LNPEP: variants seen among roughly 807,000 people sequenced by gnomAD.
LNPEP encodes the protein leucyl and cystinyl aminopeptidase, also known as leucyl-cystinyl aminopeptidase.
In LNPEP, 64 loss-of-function variants were observed where a neutral mutation model predicts 120.6. The ratio of observed to expected loss-of-function variants is 0.53; its 90% CI spans 0.43 to 0.65. The LOEUF (loss-of-function observed/expected upper bound fraction) is 0.65, where lower values mean the gene tolerates loss of function less well. Among genes scored for constraint, LNPEP ranks in the 30% least tolerant of loss-of-function variants. The pLI is 0.00. For synonymous variants in LNPEP, 435 were observed against 425.4 expected (o/e 1.02, Z -0.28); for missense variants, 1,057 against 1,200.0 (o/e 0.88, Z 1.76).
At chr5:97,022,252 A>T (rs1204029299) in intron 13 of LNPEP, 48 bp from the exon 14 acceptor site, 10 of 1,170,716 alleles carry the variant, frequency 8.5e-6, no homozygotes, top group Admixed American at 6.6e-5. Flanking sequence ...TTTTTTTCTG[A>T]TTGTCCTAAT....
intron 1 of LNPEP, among the ~76,000 whole-genome samples, chr5:96,948,276 C>T (rs1009590215): frequency 1.3e-5 from 2 of 152,090 alleles, no homozygotes; most frequent in African/African-American, 2.4e-5. Flanking sequence ...CACCACCATG[C>T]CCGGCTAATT....
In LNPEP at chr5:96,979,354, T is replaced by C. The variant is rs759640194; in HGVS notation, c.236T>C (p.Met79Thr). 1 of 1,614,092 alleles carries C rather than the reference T, an allele frequency of 6.2e-7. No homozygotes were observed. Among genetic ancestry groups the C allele is most frequent in the South Asian group, 1.1e-5 (1 of 91,088 alleles). Residue 79 changes from methionine to threonine, a missense_variant, in exon 2 of 18, where the codon ATG (methionine) becomes ACG (threonine). Physicochemically the swap from Met to Thr is moderately conservative, Grantham distance 81. Coordinates refer to ENST00000231368, the MANE Select transcript of LNPEP (RefSeq NM_005575.3). ...GAGTCATCAGCAAAGCTGCTGGGCA[T>C]GTCCTTCATGAATAGAAGCTCAGGC... ...DYESSAKLLG[M>T]SFMNRSSGLR...
At position 96,979,178 on chromosome 5, in the gene LNPEP, G is replaced by A. The variant is rs778092897; in HGVS notation, c.60G>A (p.Met20Ile). The change falls in exon 2 of 18, where the codon ATG becomes ATA. Residue 20 changes from methionine (M) to isoleucine (I), a missense_variant. Coordinates refer to ENST00000231368, the MANE Select transcript of LNPEP (RefSeq NM_005575.3). ...QLPRNMIENS[M>I]FEEEPDVVDL... The stretch of plus-strand genomic sequence containing the variant: ...CCAGGAATATGATTGAAAACAGCAT[G>A]TTTGAGGAAGAACCAGATGTGGTGG... The A allele has an allele frequency of 6.2e-7, 1 of 1,613,370 alleles. No individual in the cohort carries two copies. The highest frequency in any genetic ancestry group is 8.5e-7 in the Non-Finnish European group (1 of 1,179,578).
At position 97,013,715 on chromosome 5, in the gene LNPEP, T is replaced by G. The variant is rs759292119; in HGVS notation, c.2103T>G (p.Ile701Met). ...KVNINMNGYY[I>M]VHYADDDWEA... is the part of the protein sequence containing the mutation. ...ATATAAACATGAATGGTTATTATAT[T>G]GTACACTATGCAGATGATGATTGGG... Residue 701 changes from isoleucine (I) to methionine (M), a missense_variant, in exon 12 of 18, where the codon ATT becomes ATG. By Grantham distance (10) the Ile-to-Met change is conservative. Transcript: ENST00000231368. The G allele has an allele frequency of 1.9e-6, 3 of 1,608,488 alleles. No individual in the cohort carries two copies. The South Asian group carries it at 3.3e-5, about 18-fold the overall frequency.
At chr5:97,002,611 T>TG (rs1329030054) in intron 8 of LNPEP, among the ~76,000 whole-genome samples, 1 of 152,210 alleles carries the variant, frequency 6.6e-6, no homozygotes, top group African/African-American at 2.4e-5. Flanking sequence ...GTGCCTACTA[T>TG]GTAGTGGGCA....
At position 97,026,657 on chromosome 5, in the gene LNPEP, C is replaced by A; in HGVS notation, c.2764C>A (p.Gln922Lys). 1 of 1,613,326 alleles carries A rather than the reference C, an allele frequency of 6.2e-7. No homozygotes were observed. Among genetic ancestry groups the A allele is most frequent in the Non-Finnish European group, 8.5e-7 (1 of 1,179,274 alleles). ...CCTGAATGGAGATAACTTCCGAACACAGAAGCTGTCTTTTATCATTAGAAC... is the reference window on the plus strand; with the variant it reads ...CCTGAATGGAGATAACTTCCGAACAAAGAAGCTGTCTTTTATCATTAGAAC... Reference protein sequence around the residue: ...SSLNGDNFRTQKLSFIIRTVG... With the variant: ...SSLNGDNFRTKKLSFIIRTVG... Residue 922 changes from glutamine (Q) to lysine (K), a missense_variant, in exon 16 of 18, where the codon CAG becomes AAG. Coordinates refer to ENST00000231368, the MANE Select transcript of LNPEP (RefSeq NM_005575.3).
intron 16 of LNPEP, 91 bp from the exon 17 acceptor site, chr5:97,027,642 C>A (rs2112676475): frequency 2.5e-6 from 2 of 791,578 alleles, no homozygotes; most frequent in Non-Finnish European, 4.3e-6. Context: ...TCCACTCTGG[C>A]TTTGGCATTA....
chr5:97,019,791 A>G (rs1034714763), intron 13 of LNPEP, among the ~76,000 whole-genome samples: 1 of 151,612 alleles, frequency 6.6e-6, no homozygotes, highest in African/African-American at 2.4e-5. Flanking sequence ...ATTTGTTCCT[A>G]TTTGACAGTT....
At position 97,014,988 on chromosome 5, in the gene LNPEP, G is replaced by A; in HGVS notation, c.2269G>A (p.Gly757Arg). 5.0e-6 allele frequency: 8 copies of A among 1,588,232 alleles called. No homozygotes were observed. Among genetic ancestry groups the A allele is most frequent in the Non-Finnish European group, 6.9e-6 (8 of 1,167,644 alleles). ...GGCCTTTGATTTGATTAATTATCTT[G>A]GAAATGAGAACCATACTGCACCCAT... ...KRAFDLINYL[G>R]NENHTAPITE... is the part of the protein sequence containing the mutation. The change falls in exon 13 of 18, where the codon GGA becomes AGA. Residue 757 changes from glycine (G) to arginine (R), a missense_variant. Coordinates refer to ENST00000231368, the MANE Select transcript of LNPEP (RefSeq NM_005575.3).
chr5:96,958,386 G>A (rs1266022061), intron 1 of LNPEP: 2 of 698,984 alleles, frequency 2.9e-6, no homozygotes, highest in Non-Finnish European at 3.5e-6. Context: ...TATTTTGCAA[G>A]TTAATTGAAT....
chr5:96,948,520 A>G (rs78160288), intron 1 of LNPEP, among the ~76,000 whole-genome samples: 5,710 of 152,208 alleles, frequency 0.038, 183 homozygotes, highest in Middle Eastern at 0.11. Flanking sequence ...AAACTATTCT[A>G]TTTTCAAAAA....
At chr5:96,960,315 A>G (rs545305716) in intron 1 of LNPEP, among the ~76,000 whole-genome samples, 1 of 152,342 alleles carries the variant, frequency 6.6e-6, no homozygotes, top group African/African-American at 2.4e-5. Context: ...TTTACTGACT[A>G]ATATATGAAT....
Position 97,035,011 on chromosome 5 carries a change from G to A in LNPEP, c.*6478G>A, listed in dbSNP as rs1049842434. On this transcript the variant is annotated 3_prime_UTR_variant, in exon 18 of 18. Transcript: ENST00000231368. ...TATATAAATATTTGCTACATTCTGT[G>A]TGTTATATAATGTGGTACCCAGTCC... 4 of 152,036 alleles carry A rather than the reference G, an allele frequency of 2.6e-5. No homozygotes were observed. In the South Asian group the frequency reaches 8.3e-4, roughly 31 times the overall value. The allele number at this position is 152,036 out of a possible 1,614,324, so 9.4% of individuals were successfully genotyped here.
At position 97,030,639 on chromosome 5, in the gene LNPEP, T is replaced by C. The variant is rs1217890298; in HGVS notation, c.*2106T>C. 1 of 148,320 alleles carries C rather than the reference T, an allele frequency of 6.7e-6. No individual in the cohort carries two copies. The highest frequency in any genetic ancestry group is 1.5e-5 in the Non-Finnish European group (1 of 67,576). The allele number at this position is 148,320 out of a possible 1,614,324, so 9.2% of individuals were successfully genotyped here. A position where few individuals can be genotyped will look rare whatever the true frequency, so the allele number is the denominator to read the frequency against. ...CTCTCTCTGTGTGTGTGTGTGTGTG[T>C]GTGTGTGTGTGTGTGTGTGTGTGTG... On this transcript the variant is annotated 3_prime_UTR_variant, in exon 18 of 18. Transcript: ENST00000231368.
intron 13 of LNPEP, among the ~76,000 whole-genome samples, chr5:97,021,561 T>C (rs1561455142): frequency 6.6e-6 from 1 of 152,316 alleles, no homozygotes; most frequent in South Asian, 2.1e-4. Flanking sequence ...TTTCATTGCT[T>C]TATAGGTTTA....
intron 15 of LNPEP, among the ~76,000 whole-genome samples, chr5:97,026,147 A>G (rs1345304863): frequency 6.6e-6 from 1 of 152,214 alleles, no homozygotes; most frequent in Non-Finnish European, 1.5e-5. Flanking sequence ...AGGACTTAGA[A>G]CATTATTTAG....
At chr5:97,013,531 T>A (rs536126816) in intron 11 of LNPEP, 117 bp from the exon 12 acceptor site, 3 of 518,866 alleles carry the variant, frequency 5.8e-6, no homozygotes, top group Non-Finnish European at 9.8e-6. Context: ...GACAGGCATT[T>A]TTTTCTTACT....
chr5:96,956,686 G>T (rs2112574513), intron 1 of LNPEP, among the ~76,000 whole-genome samples: 1 of 152,212 alleles, frequency 6.6e-6, no homozygotes, highest in African/African-American at 2.4e-5. Flanking sequence ...TACCGTATTT[G>T]TGAAGTTTGA....
intron 1 of LNPEP, among the ~76,000 whole-genome samples, chr5:96,948,072 T>A (rs1256087415): frequency 6.6e-6 from 1 of 152,068 alleles, no homozygotes; most frequent in African/African-American, 2.4e-5. Flanking sequence ...GAAGGGGCAG[T>A]GGTGATCCGG....
Sources: gnomAD v4.1 joint callset for allele counts (sites outside exome capture counted in the v4.1 genomes callset) on GRCh38, gnomAD v4.1.1 for gene constraint, MANE v1.5 for transcripts, NCBI Gene and HGNC (gene_info 2026-07-23, HGNC 2026-07-21) for gene names.